Variants in GLRA2 observed in about 807,000 individuals in gnomAD.
GLRA2 encodes the protein glycine receptor subunit alpha-2.
Under a neutral mutation model 31.6 loss-of-function variants are expected in GLRA2, and 11 were observed. The ratio of observed to expected loss-of-function variants is 0.35; its 90% CI spans 0.22 to 0.58. The LOEUF (loss-of-function observed/expected upper bound fraction) is 0.58, where lower values mean the gene tolerates loss of function less well. Among genes scored for constraint, GLRA2 ranks in the 20% least tolerant of loss-of-function variants. GLRA2 has a pLI of 0.84. For missense variants in GLRA2, 212 were observed against 351.8 expected, an observed-to-expected ratio of 0.60 and a Z score of 3.18; for synonymous variants, 132 against 134.0, an observed-to-expected ratio of 0.99 and a Z score of 0.10.
intron 8 of GLRA2, among the ~76,000 whole-genome samples, chrX:14,711,833 A>G (rs768124918): frequency 2.2e-4 from 25 of 112,430 alleles, no homozygotes; most frequent in Non-Finnish European, 3.9e-4. Context: ...TCACCTTTAC[A>G]GGGCATTGCT....
intron 2 of GLRA2, among the ~76,000 whole-genome samples, chrX:14,533,661 T>G (rs1175387409): frequency 9.0e-6 from 1 of 111,377 alleles, no homozygotes; most frequent in African/African-American, 3.2e-5. Flanking sequence ...TTCATATATT[T>G]ATCCACTAAG....
chrX:14,596,770 G>T (rs2090210239), intron 4 of GLRA2, among the ~76,000 whole-genome samples: 1 of 111,244 alleles, frequency 9.0e-6, no homozygotes, highest in South Asian at 3.8e-4. Context: ...TCATCCCTCG[G>T]GATATGCTGA....
rs748382708 is a variant in GLRA2, at chrX:14,579,914, GAAAAAC to G, written c.271-1256_271-1251del. Among the ~76,000 whole-genome samples, 40 of 111,855 alleles carry G rather than the reference GAAAAAC, an allele frequency of 3.6e-4. No individual in the cohort carries two copies. The South Asian group carries it at 0.013, about 37-fold the overall frequency. ...TATAGTTTAGTAAATAGGTAAAAAA[GAAAAAC>G]AAAAACAAAAACCGTATTGAAGCTT... On this transcript the variant is annotated intron_variant, in intron 3 of 8. Coordinates refer to ENST00000218075, the MANE Select transcript of GLRA2 (RefSeq NM_002063.4).
intron 7 of GLRA2, among the ~76,000 whole-genome samples, chrX:14,668,829 A>AATTTGGTGGGGAGACAG (rs1471528153): frequency 1.8e-5 from 2 of 111,423 alleles, no homozygotes; most frequent in Non-Finnish European, 3.8e-5. Context: ...AGACAGCCAA[A>AATTTGGTGGGGAGACAG]CCATATCATT....
At chrX:14,555,449 G>A (rs141374340) in intron 2 of GLRA2, among the ~76,000 whole-genome samples, 57 of 111,630 alleles carry the variant, frequency 5.1e-4, no homozygotes, top group Admixed American at 1.6e-3. Context: ...TAGCCCTGAA[G>A]TTTATGATTT....
intron 7 of GLRA2, among the ~76,000 whole-genome samples, chrX:14,609,878 G>A (rs2090379720): frequency 9.0e-6 from 1 of 111,369 alleles, no homozygotes. Flanking sequence ...TCGATATCAG[G>A]GACATATAGA....
intron 2 of GLRA2, among the ~76,000 whole-genome samples, chrX:14,563,440 G>A (rs2089759554): frequency 8.9e-6 from 1 of 112,353 alleles, no homozygotes; most frequent in Non-Finnish European, 1.9e-5. Context: ...AAGTCACTAA[G>A]CAAATGGCCT....
At chrX:14,526,377 C>T (rs142537506), upstream of GLRA2, among the ~76,000 whole-genome samples, 145 of 112,483 alleles carry the variant, frequency 1.3e-3, 2 homozygotes, top group East Asian at 0.039. Flanking sequence ...GGGGCTGTGA[C>T]ATAATCAGAT....
chrX:14,464,688 C>T, the GLRA2 span, among the ~76,000 whole-genome samples: 1 of 110,339 alleles, frequency 9.1e-6, no homozygotes, highest in Non-Finnish European at 1.9e-5. Context: ...TCCCAAGTAG[C>T]TGGGACTACA....
At chrX:14,580,744 C>T (rs752595478) in intron 3 of GLRA2, among the ~76,000 whole-genome samples, 17 of 111,923 alleles carry the variant, frequency 1.5e-4, no homozygotes, top group Non-Finnish European at 2.4e-4. Context: ...ACTCAAATTA[C>T]GCAGTGGGTT....
rs1359851411 is a variant in GLRA2, at chrX:14,713,053, T to C, written c.1081-17154T>C. ...GCCAGATAAACAACAGATAATCCCA[T>C]ACAATAACCACTTTGGCACCAAGTG... On this transcript the variant is annotated intron_variant, in intron 8 of 8. Coordinates refer to ENST00000218075, the MANE Select transcript of GLRA2 (RefSeq NM_002063.4). 5.4e-5 allele frequency among the ~76,000 whole-genome samples: 6 copies of C among 111,840 alleles called. No individual in the cohort carries two copies. The East Asian group carries it at 1.1e-3, about 21-fold the overall frequency.
At chrX:14,487,104 A>T in the GLRA2 span, among the ~76,000 whole-genome samples, 2 of 110,461 alleles carry the variant, frequency 1.8e-5, no homozygotes, top group African/African-American at 6.6e-5. Context: ...TATGCCTATG[A>T]TATATTTAAT....
At chrX:14,484,933 C>T in the GLRA2 span, among the ~76,000 whole-genome samples, 8 of 112,447 alleles carry the variant, frequency 7.1e-5, no homozygotes, top group African/African-American at 2.3e-4. Context: ...TATTTATACT[C>T]AGATAACACA....
At chrX:14,502,765 A>AT in the GLRA2 span, among the ~76,000 whole-genome samples, 1 of 110,400 alleles carries the variant, frequency 9.1e-6, no homozygotes, top group Non-Finnish European at 1.9e-5. Context: ...CTTGTCTAAC[A>AT]TATGTGTTTT....
rs887410510 is a variant in GLRA2, at chrX:14,731,666, TTAAG to T, written c.*1186_*1189del. The T allele has an allele frequency of 2.7e-5, 3 of 111,675 alleles. No homozygotes were observed. Among genetic ancestry groups the T allele is most frequent in the African/African-American group, 9.8e-5 (3 of 30,612 alleles). 9.2% of individuals were successfully genotyped at this position (111,675 alleles called of 1,213,427 possible). On this transcript the variant is annotated 3_prime_UTR_variant, in exon 9 of 9. Coordinates refer to ENST00000218075, the MANE Select transcript of GLRA2 (RefSeq NM_002063.4). ...GTGGTTTGAATTCTGGCTACATGTT[TTAAG>T]TAAGAAAAAAAAAGACGTATTTTTG...
intron 7 of GLRA2, among the ~76,000 whole-genome samples, chrX:14,669,995 G>A (rs1199233673): frequency 1.8e-5 from 2 of 112,282 alleles, no homozygotes; most frequent in Non-Finnish European, 3.8e-5. Context: ...GAAACTGAAT[G>A]CCTTTAACCA....
At chrX:14,498,445 G>C in the GLRA2 span, among the ~76,000 whole-genome samples, 1 of 110,595 alleles carries the variant, frequency 9.0e-6, no homozygotes, top group African/African-American at 3.3e-5. Flanking sequence ...TTGATAGAAA[G>C]TATTTTCCCC....
At chrX:14,518,645 GTGTGTGTGTA>G in the GLRA2 span, among the ~76,000 whole-genome samples, 1 of 110,688 alleles carries the variant, frequency 9.0e-6, no homozygotes, top group Non-Finnish European at 1.9e-5. Context: ...ATTAAACTGT[GTGTGTGTGTA>G]TGTGTGTGTG....
intron 2 of GLRA2, among the ~76,000 whole-genome samples, chrX:14,537,513 G>T (rs2089341900): frequency 9.0e-6 from 1 of 111,418 alleles, no homozygotes; most frequent in African/African-American, 3.3e-5. Flanking sequence ...GCAGTAACAT[G>T]CACGTGGCCT....
Sources: gnomAD v4.1 joint callset for allele counts (sites outside exome capture counted in the v4.1 genomes callset) on GRCh38, gnomAD v4.1.1 for gene constraint, MANE v1.5 for transcripts, NCBI Gene and HGNC (gene_info 2026-07-23, HGNC 2026-07-21) for gene names.